Variants in ZNF804B observed in about 807,000 individuals in gnomAD.
The protein encoded by ZNF804B is zinc finger 804B.
In ZNF804B, 80 loss-of-function variants were observed where a neutral mutation model predicts 101.4. That is an observed-to-expected ratio of 0.79 (90% CI 0.66 to 0.95). The LOEUF (loss-of-function observed/expected upper bound fraction) is 0.95. Among genes scored for constraint, ZNF804B ranks in the 40% least tolerant of loss-of-function variants. ZNF804B has a pLI of 0.00. For synonymous variants in ZNF804B, 622 were observed against 558.8 expected, an observed-to-expected ratio of 1.11 and a Z score of -1.59; for missense variants, 1,673 against 1,561.9, an observed-to-expected ratio of 1.07 and a Z score of -1.20.
At chr7:88,874,404 T>C (rs1465560948) in intron 1 of ZNF804B, among the ~76,000 whole-genome samples, 1 of 151,676 alleles carries the variant, frequency 6.6e-6, no homozygotes, top group Non-Finnish European at 1.5e-5. Flanking sequence ...TATACAATCA[T>C]GTCGTCTGCA....
At chr7:89,210,011 T>C (rs1788778693) in intron 1 of ZNF804B, among the ~76,000 whole-genome samples, 1 of 151,964 alleles carries the variant, frequency 6.6e-6, no homozygotes, top group Admixed American at 6.6e-5. Context: ...TAGCTGAGCG[T>C]GGTGGCATGC....
chr7:88,973,545 C>T (rs1223781842), intron 1 of ZNF804B, among the ~76,000 whole-genome samples: 1 of 140,022 alleles, frequency 7.1e-6, no homozygotes, highest in Non-Finnish European at 1.5e-5. Flanking sequence ...TTCTAGAACA[C>T]TTCGAAGTAT....
intron 1 of ZNF804B, among the ~76,000 whole-genome samples, chr7:89,092,415 T>TG (rs1789907157): frequency 7.8e-6 from 1 of 127,442 alleles, no homozygotes; most frequent in African/African-American, 3.6e-5. Context: ...TCTGTTTTTT[T>TG]TTTTTTTTTT....
At chr7:89,109,423 C>G (rs771163925) in intron 1 of ZNF804B, among the ~76,000 whole-genome samples, 1 of 152,112 alleles carries the variant, frequency 6.6e-6, no homozygotes, top group East Asian at 1.9e-4. Context: ...ATGAGAATGG[C>G]TTTCTCTGCC....
chr7:89,200,403 T>C (rs1788614555), intron 1 of ZNF804B, among the ~76,000 whole-genome samples: 1 of 152,036 alleles, frequency 6.6e-6, no homozygotes, highest in South Asian at 2.1e-4. Context: ...TCCTGGTTTG[T>C]AGAATCTCCA....
chr7:89,153,105 G>C (rs1179288385), intron 1 of ZNF804B, among the ~76,000 whole-genome samples: 1 of 94,584 alleles, frequency 1.1e-5, no homozygotes, highest in Non-Finnish European at 2.3e-5. Flanking sequence ...TGTGAACTAA[G>C]AGTTCATTTA....
chr7:89,312,051 G>T (rs1790655946), intron 2 of ZNF804B, among the ~76,000 whole-genome samples: 1 of 152,130 alleles, frequency 6.6e-6, no homozygotes, highest in Admixed American at 6.6e-5. Flanking sequence ...TTTCTCAGAT[G>T]ATCCTGAGCC....
At chr7:89,128,935 A>T (rs1196051179) in intron 1 of ZNF804B, among the ~76,000 whole-genome samples, 3 of 151,940 alleles carry the variant, frequency 2.0e-5, no homozygotes, top group Non-Finnish European at 4.4e-5. Flanking sequence ...ATTCACGTTC[A>T]TGTTTGGTTG....
At chr7:89,234,994 A>C (rs1789258505) in intron 2 of ZNF804B, among the ~76,000 whole-genome samples, 1 of 152,192 alleles carries the variant, frequency 6.6e-6, no homozygotes, top group Non-Finnish European at 1.5e-5. Flanking sequence ...TCTCTGGAGA[A>C]TTTGGACTAT....
At chr7:89,298,290 G>T (rs1348249412) in intron 2 of ZNF804B, among the ~76,000 whole-genome samples, 1 of 130,564 alleles carries the variant, frequency 7.7e-6, no homozygotes, top group Non-Finnish European at 1.6e-5. Context: ...TGCAGAACGT[G>T]CAGGTTTATT....
intron 2 of ZNF804B, among the ~76,000 whole-genome samples, chr7:89,298,945 G>A (rs1272483345): frequency 6.6e-6 from 1 of 151,846 alleles, no homozygotes; most frequent in Non-Finnish European, 1.5e-5. Flanking sequence ...TCAGGGTTGC[G>A]ATAATTTCAG....
At chr7:88,800,605 T>G (rs950056852) in intron 1 of ZNF804B, among the ~76,000 whole-genome samples, 3 of 151,590 alleles carry the variant, frequency 2.0e-5, no homozygotes, top group South Asian at 2.1e-4. Flanking sequence ...ATATAAACAA[T>G]GAACAATGAA....
At chr7:88,943,428 T>C (rs183568163) in intron 1 of ZNF804B, among the ~76,000 whole-genome samples, 51 of 152,002 alleles carry the variant, frequency 3.4e-4, no homozygotes, top group Non-Finnish European at 6.5e-4. Context: ...CTTGCTTACA[T>C]TGTAGTATTT....
intron 1 of ZNF804B, among the ~76,000 whole-genome samples, chr7:89,209,480 G>A (rs1333635841): frequency 2.6e-5 from 4 of 152,144 alleles, no homozygotes; most frequent in African/African-American, 4.8e-5. Flanking sequence ...GAACAGCATT[G>A]GAAAACAAGA....
At chr7:89,181,393 T>C (rs1336960844) in intron 1 of ZNF804B, among the ~76,000 whole-genome samples, 1 of 152,224 alleles carries the variant, frequency 6.6e-6, no homozygotes, top group Non-Finnish European at 1.5e-5. Flanking sequence ...ACAATTCCTC[T>C]CTGGCTAGGG....
At chr7:88,855,006 G>T (rs1020661468) in intron 1 of ZNF804B, among the ~76,000 whole-genome samples, 5 of 151,904 alleles carry the variant, frequency 3.3e-5, no homozygotes, top group African/African-American at 1.2e-4. Context: ...GTCTATCATG[G>T]TTGGACATTT....
At chr7:88,904,755 A>G (rs1386698016) in intron 1 of ZNF804B, among the ~76,000 whole-genome samples, 2 of 152,090 alleles carry the variant, frequency 1.3e-5, no homozygotes, top group Non-Finnish European at 2.9e-5. Context: ...CAGCCTGGAT[A>G]TTATTGGTAC....
At chr7:88,826,114 G>T (rs1452844582) in intron 1 of ZNF804B, among the ~76,000 whole-genome samples, 1 of 152,040 alleles carries the variant, frequency 6.6e-6, no homozygotes, top group African/African-American at 2.4e-5. Context: ...TGTTGAAAAA[G>T]AAAATACTTA....
intron 1 of ZNF804B, among the ~76,000 whole-genome samples, chr7:88,955,235 G>GA (rs1371377829): frequency 1.3e-5 from 2 of 151,402 alleles, no homozygotes; most frequent in Admixed American, 6.6e-5. Context: ...GTCCTCAATA[G>GA]AAAAAATGAG....
Sources: allele counts gnomAD v4.1 joint callset (sites outside exome capture counted in the v4.1 genomes callset), GRCh38; gene constraint gnomAD v4.1.1; transcripts MANE v1.5; gene names NCBI Gene and HGNC (gene_info 2026-07-23, HGNC 2026-07-21).